Variants in EEIG2 observed in about 807,000 individuals in gnomAD.
EEIG2 encodes the protein family with sequence similarity 102 member B.
the EEIG2 span, chr1:108,629,531 AT>A: frequency 5.8e-6 from 7 of 1,199,420 alleles, no homozygotes; most frequent in Non-Finnish European, 8.5e-6. Flanking sequence ...ATATCCATAT[AT>A]TTGACAATAG....
the EEIG2 span, among the ~76,000 whole-genome samples, chr1:108,581,882 C>T: frequency 2.0e-5 from 3 of 152,148 alleles, no homozygotes; most frequent in Non-Finnish European, 4.4e-5. Flanking sequence ...TTTGAAAGAA[C>T]TTCTACTGTG....
chr1:108,562,268 G>A, the EEIG2 span, among the ~76,000 whole-genome samples: 1 of 152,160 alleles, frequency 6.6e-6, no homozygotes, highest in Admixed American at 6.5e-5. Context: ...TGCCATATAT[G>A]AAAGTTTCTG....
chr1:108,600,357 T>C, the EEIG2 span, among the ~76,000 whole-genome samples: 1 of 152,160 alleles, frequency 6.6e-6, no homozygotes, highest in Admixed American at 6.5e-5. Flanking sequence ...AAATTCACTT[T>C]TTTTCCAGTT....
the EEIG2 span, among the ~76,000 whole-genome samples, chr1:108,607,796 C>A: frequency 6.6e-6 from 1 of 152,106 alleles, no homozygotes. Flanking sequence ...GTCTTGAAAC[C>A]ATACTTTCTC....
the EEIG2 span, among the ~76,000 whole-genome samples, chr1:108,617,329 G>C: frequency 6.6e-6 from 1 of 152,146 alleles, no homozygotes; most frequent in African/African-American, 2.4e-5. Context: ...GTAACAGAGA[G>C]GACAGGGACA....
the EEIG2 span, among the ~76,000 whole-genome samples, chr1:108,561,294 G>C: frequency 1.3e-5 from 2 of 152,220 alleles, no homozygotes; most frequent in Non-Finnish European, 2.9e-5. Context: ...ATTAATAATA[G>C]GTGTGGCAGT....
chr1:108,637,926 AAG>A, the EEIG2 span: 3 of 152,582 alleles, frequency 2.0e-5, no homozygotes, highest in African/African-American at 7.2e-5. Context: ...GGTGTTTTTG[AAG>A]GCTGCTTATA....
chr1:108,579,788 A>AGAGAGAGAGAGAGAGAGAGAGAGT, the EEIG2 span, among the ~76,000 whole-genome samples: 1 of 149,466 alleles, frequency 6.7e-6, no homozygotes, highest in African/African-American at 2.5e-5. Context: ...AGAGAGAGAG[A>AGAGAGAGAGAGAGAGAGAGAGAGT]GAGAGAGAAA....
chr1:108,638,655 C>G, the EEIG2 span: 5 of 142,110 alleles, frequency 3.5e-5, no homozygotes, highest in Non-Finnish European at 7.6e-5. Context: ...TGCAACCAAG[C>G]ACTGTAGTTG....
chr1:108,563,374 G>T, the EEIG2 span, among the ~76,000 whole-genome samples: 13 of 152,162 alleles, frequency 8.5e-5, no homozygotes, highest in Admixed American at 5.9e-4. Context: ...TTAAGTGTGT[G>T]CTGATTCGAC....
At chr1:108,624,796 G>A in the EEIG2 span, 1 of 1,484,980 alleles carries the variant, frequency 6.7e-7, no homozygotes, top group Non-Finnish European at 9.4e-7. Context: ...GAGACGACTT[G>A]ATGCCCTAAA....
the EEIG2 span, among the ~76,000 whole-genome samples, chr1:108,585,339 G>T: frequency 6.6e-6 from 1 of 152,130 alleles, no homozygotes; most frequent in East Asian, 1.9e-4. Context: ...CATCAGTCCG[G>T]CATTCAAAAT....
the EEIG2 span, among the ~76,000 whole-genome samples, chr1:108,604,109 A>G: frequency 6.6e-6 from 1 of 152,246 alleles, no homozygotes; most frequent in Non-Finnish European, 1.5e-5. Flanking sequence ...TGTGAACCCT[A>G]TGCAGTGTAA....
chr1:108,612,232 C>A, the EEIG2 span: 1 of 1,613,644 alleles, frequency 6.2e-7, no homozygotes, highest in Non-Finnish European at 8.5e-7. Flanking sequence ...AAATACCACT[C>A]GCCGCTGTTT....
At chr1:108,620,060 G>C in the EEIG2 span, among the ~76,000 whole-genome samples, 1 of 152,182 alleles carries the variant, frequency 6.6e-6, no homozygotes, top group Non-Finnish European at 1.5e-5. Flanking sequence ...TGTAATCCAA[G>C]TTCTCATTGT....
chr1:108,596,719 T>A, the EEIG2 span, among the ~76,000 whole-genome samples: 2 of 152,068 alleles, frequency 1.3e-5, no homozygotes, highest in African/African-American at 4.8e-5. Context: ...TCTGTTTTGT[T>A]CAAGTTGCTA....
chr1:108,590,450 A>G, the EEIG2 span, among the ~76,000 whole-genome samples: 1 of 152,216 alleles, frequency 6.6e-6, no homozygotes, highest in Non-Finnish European at 1.5e-5. Context: ...ATCCTTGATA[A>G]TAACTTGTAA....
chr1:108,560,343 A>T, the EEIG2 span: 2 of 1,068,956 alleles, frequency 1.9e-6, no homozygotes, highest in Non-Finnish European at 2.3e-6. Context: ...GGCCCCGGCC[A>T]TGGGGCTGGG....
At chr1:108,592,423 G>A in the EEIG2 span, among the ~76,000 whole-genome samples, 1 of 152,220 alleles carries the variant, frequency 6.6e-6, no homozygotes, top group African/African-American at 2.4e-5. Context: ...GTAATTAATA[G>A]ACAACTGCAC....
Sources: allele counts gnomAD v4.1 joint callset (sites outside exome capture counted in the v4.1 genomes callset), GRCh38; gene constraint gnomAD v4.1.1; transcripts MANE v1.5; gene names NCBI Gene and HGNC (gene_info 2026-07-23, HGNC 2026-07-21).